Variants in SEMA3A observed in about 807,000 individuals in gnomAD.
SEMA3A encodes semaphorin 3A, also known as semaphorin-3A.
In SEMA3A, 29 loss-of-function variants were observed where a neutral mutation model predicts 97.9. That is an observed-to-expected ratio of 0.30 (90% confidence interval 0.22 to 0.40). The LOEUF (loss-of-function observed/expected upper bound fraction) is 0.40, where lower values mean the gene tolerates loss of function less well. Ranked by LOEUF, SEMA3A falls within the 10% of genes least tolerant of loss-of-function variation. The pLI, the probability that SEMA3A is intolerant of heterozygous loss-of-function variation, is 1.00. For missense variants in SEMA3A, 763 were observed against 951.3 expected (o/e 0.80, Z 2.60); for synonymous variants, 321 against 323.7 (o/e 0.99, Z 0.09).
Position 84,110,321 on chromosome 7 carries a change from C to T in SEMA3A, c.453+149G>A, listed in dbSNP as rs947175895. ...AATGTTCTCATTCTTTTTGCATTCA[C>T]AGATTAAAATTAATAACAGCATCTG... On this transcript the variant is annotated intron_variant, in intron 4 of 16. Transcript: ENST00000265362. 7 of 804,806 alleles carry T rather than the reference C, an allele frequency of 8.7e-6. No homozygotes were observed. The African/African-American group carries it at 1.2e-4, about 14-fold the overall frequency. 49.9% of individuals were successfully genotyped at this position (804,806 alleles called of 1,614,324 possible).
intron 1 of SEMA3A, among the ~76,000 whole-genome samples, chr7:84,473,094 A>G (rs1806194725): frequency 6.6e-6 from 1 of 151,420 alleles, no homozygotes; most frequent in South Asian, 2.1e-4. Context: ...CCATACATAA[A>G]ATTGCTTCAG....
At position 84,081,800 on chromosome 7, in the gene SEMA3A, T is replaced by C. The variant is rs760006580; in HGVS notation, c.454-21242A>G. Among the ~76,000 whole-genome samples, 67 of 152,104 alleles carry C rather than the reference T, an allele frequency of 4.4e-4. No individual in the cohort carries two copies. In the Middle Eastern group the frequency reaches 0.01, roughly 23 times the overall value. ...CATACAAGTGTATAAATAAATTCTATATATATTTTATCTCATATATTTTAA... is the reference window on the plus strand; with the variant it reads ...CATACAAGTGTATAAATAAATTCTACATATATTTTATCTCATATATTTTAA... On this transcript the variant is annotated intron_variant, in intron 4 of 16. Transcript: ENST00000265362.
intron 1 of SEMA3A, among the ~76,000 whole-genome samples, chr7:84,463,523 C>T (rs1177002164): frequency 1.3e-5 from 2 of 152,140 alleles, no homozygotes; most frequent in African/African-American, 2.4e-5. Flanking sequence ...GCTGGGATTA[C>T]AGGCGTGAGC....
intron 1 of SEMA3A, among the ~76,000 whole-genome samples, chr7:84,394,107 CTATT>C (rs1480158056): frequency 1.3e-5 from 2 of 151,958 alleles, no homozygotes; most frequent in African/African-American, 2.4e-5. Flanking sequence ...GCTATGGAAA[CTATT>C]TATCACAATA....
At chr7:84,009,304 A>G (rs1188074767) in intron 9 of SEMA3A, among the ~76,000 whole-genome samples, 1 of 152,232 alleles carries the variant, frequency 6.6e-6, no homozygotes, top group African/African-American at 2.4e-5. Flanking sequence ...CTCAAGTTCT[A>G]TAGCTTAGTC....
At chr7:84,424,908 TAA>T (rs1361159214) in intron 1 of SEMA3A, among the ~76,000 whole-genome samples, 1 of 60,826 alleles carries the variant, frequency 1.6e-5, no homozygotes, top group Non-Finnish European at 2.5e-5. Context: ...TATATAAACA[TAA>T]ATATATATAT....
intron 1 of SEMA3A, among the ~76,000 whole-genome samples, chr7:84,410,933 C>T (rs182476920): frequency 4.1e-4 from 62 of 152,176 alleles, no homozygotes; most frequent in African/African-American, 1.3e-3. Flanking sequence ...ATAGAACTTA[C>T]TTCAGGTTTT....
intron 3 of SEMA3A, among the ~76,000 whole-genome samples, chr7:84,261,862 C>A (rs1415265581): frequency 6.6e-6 from 1 of 152,232 alleles, no homozygotes; most frequent in Non-Finnish European, 1.5e-5. Flanking sequence ...ACAGAGGTTT[C>A]AACTGGAAAA....
At position 83,956,075 on chromosome 7, in the gene SEMA3A, GGTTT is replaced by G. The variant is rs1210633000; in HGVS notation, c.*5292_*5295del. ...GTCTCATTTTTTAAAAAACTTTTTTGGTTTGTTTGTTTAAAATAATAGGAGTCTG... is the reference window on the plus strand; with the variant it reads ...GTCTCATTTTTTAAAAAACTTTTTTGGTTTGTTTAAAATAATAGGAGTCTG... On this transcript the variant is annotated 3_prime_UTR_variant, in exon 17 of 17. Coordinates refer to ENST00000265362, the MANE Select transcript of SEMA3A (RefSeq NM_006080.3). 2 of 152,036 alleles carry G rather than the reference GGTTT, an allele frequency of 1.3e-5. No homozygotes were observed. Among genetic ancestry groups the G allele is most frequent in the Non-Finnish European group, 2.9e-5 (2 of 67,998 alleles). The allele number at this position is 152,036 out of a possible 1,614,324, so 9.4% of individuals were successfully genotyped here. A position where few individuals can be genotyped will look rare whatever the true frequency, so the allele number is the denominator to read the frequency against.
At chr7:84,448,403 A>C (rs531306978) in intron 1 of SEMA3A, among the ~76,000 whole-genome samples, 1 of 152,322 alleles carries the variant, frequency 6.6e-6, no homozygotes, top group Admixed American at 6.5e-5. Context: ...AATGCTAAAA[A>C]TTTCACAAAA....
chr7:84,195,656 G>A (rs1386001503), upstream of SEMA3A, among the ~76,000 whole-genome samples: 1 of 152,052 alleles, frequency 6.6e-6, no homozygotes, highest in East Asian at 1.9e-4. Flanking sequence ...AAATTACAAC[G>A]GGGGATTCTC....
chr7:84,470,096 A>G (rs918870703), intron 1 of SEMA3A, among the ~76,000 whole-genome samples: 2 of 151,900 alleles, frequency 1.3e-5, no homozygotes, highest in Non-Finnish European at 2.9e-5. Context: ...GTATTCACCA[A>G]TTACTAAATT....
intron 1 of SEMA3A, among the ~76,000 whole-genome samples, chr7:84,158,316 G>T (rs1796917138): frequency 6.6e-6 from 1 of 151,432 alleles, no homozygotes; most frequent in Admixed American, 6.6e-5. Context: ...CACCACACCG[G>T]GCTAATTTTT....
intron 3 of SEMA3A, among the ~76,000 whole-genome samples, chr7:84,203,230 T>C (rs1353352903): frequency 6.6e-6 from 1 of 152,016 alleles, no homozygotes; most frequent in Non-Finnish European, 1.5e-5. Flanking sequence ...CTTCTTCCTA[T>C]GTTTCTACGG....
chr7:84,218,276 G>T (rs1798796707), intron 3 of SEMA3A, among the ~76,000 whole-genome samples: 1 of 151,884 alleles, frequency 6.6e-6, no homozygotes, highest in East Asian at 1.9e-4. Flanking sequence ...TACTAATAAT[G>T]ATTTAAAAAT....
At chr7:84,142,214 T>A (rs1477657339) in intron 1 of SEMA3A, among the ~76,000 whole-genome samples, 1 of 152,128 alleles carries the variant, frequency 6.6e-6, no homozygotes, top group Non-Finnish European at 1.5e-5. Flanking sequence ...ACCTACTAAG[T>A]CAACAAAAAC....
intron 11 of SEMA3A, 104 bp from the exon 12 acceptor site, chr7:84,002,150 C>A: frequency 3.3e-6 from 2 of 614,342 alleles, no homozygotes; most frequent in South Asian, 2.5e-5. Flanking sequence ...CCTTTGATAT[C>A]GGTCTTCCTT....
chr7:84,237,817 C>T (rs528684189), intron 3 of SEMA3A, among the ~76,000 whole-genome samples: 27 of 152,182 alleles, frequency 1.8e-4, no homozygotes, highest in African/African-American at 6.3e-4. Context: ...TGCTGAGACC[C>T]AGATGCAACC....
In SEMA3A at chr7:84,404,250, C is replaced by G. The variant is rs181239352; in HGVS notation, c.-245-32350G>C. ...GGACGAGAACTACGTAATGAATGCACAAGCCTCAGTAACCAATGCAATCAA... is the reference window on the plus strand; with the variant it reads ...GGACGAGAACTACGTAATGAATGCAGAAGCCTCAGTAACCAATGCAATCAA... On this transcript the variant is annotated intron_variant, in intron 1 of 3. Transcript: ENST00000424555. Among the ~76,000 whole-genome samples the G allele has an allele frequency of 2.5e-3, 374 of 152,214 alleles. 1 individual carries two copies. Among genetic ancestry groups the G allele is most frequent in the African/African-American group, 8.6e-3 (358 of 41,548 alleles).
Sources: gnomAD v4.1 joint callset for allele counts (sites outside exome capture counted in the v4.1 genomes callset) on GRCh38, gnomAD v4.1.1 for gene constraint, MANE v1.5 for transcripts, NCBI Gene and HGNC (gene_info 2026-07-23, HGNC 2026-07-21) for gene names.